Variants in ASCC3 observed in about 807,000 individuals in gnomAD.
The protein encoded by ASCC3 is activating signal cointegrator 1 complex subunit 3.
In ASCC3, 158 loss-of-function variants were observed where a neutral mutation model predicts 256.3. The observed-to-expected ratio is 0.62, with a 90% CI of 0.54 to 0.70. The LOEUF is 0.70. Among genes scored for constraint, ASCC3 ranks in the 30% least tolerant of loss-of-function variants. The pLI, the probability that ASCC3 is intolerant of heterozygous loss-of-function variation, is 0.00. For missense variants in ASCC3, 2,259 were observed against 2,626.0 expected (o/e 0.86, Z 3.05); for synonymous variants, 948 against 883.4 (o/e 1.07, Z -1.30).
At chr6:100,742,416 G>T (rs534631028) in intron 10 of ASCC3, among the ~76,000 whole-genome samples, 4 of 152,116 alleles carry the variant, frequency 2.6e-5, no homozygotes, top group African/African-American at 9.7e-5. Context: ...TGCATTAGGG[G>T]GTACGCTTCC....
intron 30 of ASCC3, among the ~76,000 whole-genome samples, chr6:100,624,843 C>T (rs1051638834): frequency 6.6e-6 from 1 of 151,610 alleles, no homozygotes; most frequent in African/African-American, 2.4e-5. Context: ...TATATTAGTG[C>T]TTCCTAAAAT....
chr6:100,867,425 C>G (rs1045904326), intron 2 of ASCC3, among the ~76,000 whole-genome samples: 3 of 152,070 alleles, frequency 2.0e-5, no homozygotes, highest in African/African-American at 7.2e-5. Context: ...GTCTTAAATG[C>G]CTTTCTTACC....
At position 100,520,424 on chromosome 6, in the gene ASCC3, CCTTCTTCTT is replaced by C. The variant is rs951046780; in HGVS notation, c.5776-2291_5776-2283del. On this transcript the variant is annotated intron_variant, in intron 37 of 41. Coordinates refer to ENST00000369162, the MANE Select transcript of ASCC3 (RefSeq NM_006828.4). ...CTTGCTTTAAATGTTTCCTTCTTCT[CCTTCTTCTT>C]CTTTTTTTTTTTTCTTTTTTTAAAC... 2.0e-5 allele frequency among the ~76,000 whole-genome samples: 3 copies of C among 150,942 alleles called. No homozygotes were observed. The South Asian group carries it at 6.2e-4, about 31-fold the overall frequency.
At chr6:100,664,116 CATT>C (rs1776359022) in intron 14 of ASCC3, among the ~76,000 whole-genome samples, 1 of 152,130 alleles carries the variant, frequency 6.6e-6, no homozygotes, top group South Asian at 2.1e-4. Flanking sequence ...CTTAGATTAA[CATT>C]TAAAGAAATG....
At chr6:100,571,975 G>A (rs1770613658) in intron 36 of ASCC3, among the ~76,000 whole-genome samples, 1 of 152,156 alleles carries the variant, frequency 6.6e-6, no homozygotes, top group South Asian at 2.1e-4. Flanking sequence ...ATACACAAAT[G>A]GTGGTGACAC....
chr6:100,743,729 A>G (rs941353132), intron 10 of ASCC3, among the ~76,000 whole-genome samples: 9 of 152,212 alleles, frequency 5.9e-5, no homozygotes, highest in African/African-American at 2.2e-4. Flanking sequence ...AACACATTCA[A>G]TATCTTTCAC....
intron 3 of ASCC3, among the ~76,000 whole-genome samples, chr6:100,862,180 C>A (rs1483403890): frequency 6.6e-6 from 1 of 152,122 alleles, no homozygotes; most frequent in Admixed American, 6.5e-5. Context: ...TTTCAAACAA[C>A]CTGCCTCTGT....
intron 17 of ASCC3, 110 bp downstream of exon 17, chr6:100,655,589 A>T: frequency 8.0e-7 from 1 of 1,247,864 alleles, no homozygotes; most frequent in Non-Finnish European, 1.1e-6. Context: ...TTTTTCTTCT[A>T]GGTACCTCTT....
intron 36 of ASCC3, among the ~76,000 whole-genome samples, chr6:100,550,435 T>C (rs554241294): frequency 6.6e-6 from 1 of 152,092 alleles, no homozygotes; most frequent in African/African-American, 2.4e-5. Context: ...AGTGTGAACA[T>C]CTTTCTAAAT....
At chr6:100,681,866 T>C (rs1438572424) in intron 13 of ASCC3, among the ~76,000 whole-genome samples, 3 of 152,170 alleles carry the variant, frequency 2.0e-5, no homozygotes, top group Non-Finnish European at 4.4e-5. Flanking sequence ...TGATTTTTGA[T>C]AGGCTCTCTA....
chr6:100,591,745 T>G (rs925204605), intron 34 of ASCC3, among the ~76,000 whole-genome samples: 3 of 152,014 alleles, frequency 2.0e-5, no homozygotes, highest in Admixed American at 2.0e-4. Flanking sequence ...AAATACTATT[T>G]TTATCTATCC....
rs547738745 is a variant in ASCC3 at position 100,585,597 on chromosome 6, C to G, written c.5550+4037G>C. ...TCTCAAATCATCAAAGTCATTCTCC[C>G]TCCAGCTTTGTTCCGTTGCTGGTGA... On this transcript the variant is annotated intron_variant, in intron 36 of 41. Coordinates refer to ENST00000369162, the MANE Select transcript of ASCC3 (RefSeq NM_006828.4). Among the ~76,000 whole-genome samples the G allele has an allele frequency of 1.3e-5, 2 of 152,336 alleles. 1 individual carries two copies. The highest frequency in any genetic ancestry group is 6.8e-3 in the Middle Eastern group (2 of 294).
chr6:100,740,440 C>G (rs1582791013), intron 10 of ASCC3, among the ~76,000 whole-genome samples: 1 of 152,120 alleles, frequency 6.6e-6, no homozygotes, highest in African/African-American at 2.4e-5. Context: ...CTGTAGATAT[C>G]TATCTGGTCC....
At chr6:100,879,064 T>C (rs1203588908) in intron 1 of ASCC3, among the ~76,000 whole-genome samples, 1 of 152,192 alleles carries the variant, frequency 6.6e-6, no homozygotes, top group East Asian at 1.9e-4. Context: ...GTTCGGTTAA[T>C]TTGCTAGAGT....
chr6:100,691,536 T>G (rs1408722863), intron 13 of ASCC3, among the ~76,000 whole-genome samples: 2 of 151,972 alleles, frequency 1.3e-5, no homozygotes, highest in Admixed American at 6.6e-5. Context: ...ATGAATAACT[T>G]AATACTATAA....
At chr6:100,557,150 T>C (rs140763901) in intron 36 of ASCC3, among the ~76,000 whole-genome samples, 8 of 152,234 alleles carry the variant, frequency 5.3e-5, no homozygotes, top group Admixed American at 5.2e-4. Context: ...TCTTTTTATA[T>C]TCTCTATTTC....
At chr6:100,683,302 G>C (rs1295439868) in intron 13 of ASCC3, among the ~76,000 whole-genome samples, 1 of 152,000 alleles carries the variant, frequency 6.6e-6, no homozygotes, top group Admixed American at 6.6e-5. Flanking sequence ...GAGAACATAA[G>C]GGAAAACAGA....
At position 100,512,578 on chromosome 6, in the gene ASCC3, G is replaced by C. The variant is rs1432241696; in HGVS notation, c.6285+131C>G. 6 of 952,262 alleles carry C rather than the reference G, an allele frequency of 6.3e-6. No homozygotes were observed. In the African/African-American group the frequency reaches 8.1e-5, roughly 13 times the overall value. 59.0% of individuals were successfully genotyped at this position (952,262 alleles called of 1,614,324 possible). On this transcript the variant is annotated intron_variant, in intron 40 of 41. Coordinates refer to ENST00000369162, the MANE Select transcript of ASCC3 (RefSeq NM_006828.4). ...CACGAATTTCAAAAGACTAACTCTC[G>C]CTGCTTAAGACCAGTTGAGAAAGCA... is the stretch of plus-strand genomic sequence containing the variant.
intron 34 of ASCC3, among the ~76,000 whole-genome samples, chr6:100,593,963 T>A (rs1376401096): frequency 1.3e-5 from 2 of 152,114 alleles, no homozygotes; most frequent in Non-Finnish European, 2.9e-5. Context: ...TGTATATATA[T>A]GTGTTTACAT....
Sources: gnomAD v4.1 joint callset for allele counts (sites outside exome capture counted in the v4.1 genomes callset) on GRCh38, gnomAD v4.1.1 for gene constraint, MANE v1.5 for transcripts, NCBI Gene and HGNC (gene_info 2026-07-23, HGNC 2026-07-21) for gene names.